The following SIRPD variants were observed in gnomAD, a reference collection of about 807,000 sequenced individuals.
The protein encoded by SIRPD is signal-regulatory protein delta.
In SIRPD, 21 loss-of-function variants were observed where a neutral mutation model predicts 18.0. The observed-to-expected ratio is 1.17, with a 90% CI of 0.83 to 1.68. SIRPD has a LOEUF of 1.68. Among genes scored for constraint, SIRPD ranks in the 40% most tolerant of loss-of-function variants. The pLI, the probability that SIRPD is intolerant of heterozygous loss-of-function variation, is 0.00. For missense variants in SIRPD, 295 were observed against 238.4 expected, an observed-to-expected ratio of 1.24 and a Z score of -1.56; for synonymous variants, 106 against 92.9, an observed-to-expected ratio of 1.14 and a Z score of -0.81.
At chr20:1,535,298 T>G (rs147097703) in intron 3 of SIRPD, among the ~76,000 whole-genome samples, 1 of 152,218 alleles carries the variant, frequency 6.6e-6, no homozygotes, top group African/African-American at 2.4e-5. Context: ...TGGAGTCCCA[T>G]TGACCCAGGT....
At chr20:1,552,346 CCCTAT>C (rs1474130739) in intron 1 of SIRPD, among the ~76,000 whole-genome samples, 4 of 152,130 alleles carry the variant, frequency 2.6e-5, no homozygotes, top group Non-Finnish European at 5.9e-5. Context: ...AGACTAGTTT[CCCTAT>C]CCATCTAATT....
At position 1,552,033 on chromosome 20, in the gene SIRPD, T is replaced by G; in HGVS notation, c.79A>C (p.Thr27Pro). The G allele has an allele frequency of 1.2e-6, 2 of 1,609,596 alleles. No homozygotes were observed. The highest frequency in any genetic ancestry group is 1.7e-6 in the Non-Finnish European group (2 of 1,176,710). ...LYLLLELAGV[T>P]HVFHVQQTEM... ...GTTTGTTGCACATGGAACACATGTGTGACTCCTGGAAAAAAGCTGAAAATC... is the reference window on the plus strand; with the variant it reads ...GTTTGTTGCACATGGAACACATGTGGGACTCCTGGAAAAAAGCTGAAAATC... Residue 27 changes from threonine (T) to proline (P), a missense_variant, in exon 2 of 4, where the codon ACA (threonine) becomes CCA (proline). Thr to Pro is a conservative substitution (Grantham distance 38, BLOSUM62 -1). Coordinates refer to ENST00000381623, the MANE Select transcript of SIRPD (RefSeq NM_178460.3).
intron 1 of SIRPD, 151 bp downstream of exon 1, chr20:1,557,430 C>T (rs1174182689): frequency 8.8e-6 from 5 of 565,812 alleles, no homozygotes; most frequent in Non-Finnish European, 1.4e-5. Context: ...AATTGGGGAC[C>T]ATCCCAGTGT....
intron 1 of SIRPD, among the ~76,000 whole-genome samples, chr20:1,556,020 C>T (rs1053109762): frequency 6.6e-6 from 1 of 152,208 alleles, no homozygotes; most frequent in African/African-American, 2.4e-5. Flanking sequence ...GGGCTTCCCT[C>T]AGTTCATTGC....
At chr20:1,548,607 G>A (rs6034036) in intron 2 of SIRPD, among the ~76,000 whole-genome samples, 8,350 of 151,886 alleles carry the variant, frequency 0.055, 265 homozygotes, top group Non-Finnish European at 0.075. Flanking sequence ...TCGATATCAG[G>A]GTAATTTTTT....
At chr20:1,544,438 CT>C (rs57088454) in intron 2 of SIRPD, among the ~76,000 whole-genome samples, 8,785 of 139,854 alleles carry the variant, frequency 0.063, 252 homozygotes, top group Non-Finnish European at 0.079. Context: ...GCAACAACTG[CT>C]TTTTTTTTTT....
intron 1 of SIRPD, among the ~76,000 whole-genome samples, chr20:1,557,140 C>T (rs11696998): frequency 0.022 from 3,286 of 152,160 alleles, 94 homozygotes; most frequent in Middle Eastern, 0.048. Flanking sequence ...GTAGTCCCAG[C>T]TACTTGGGAG....
chr20:1,537,198 A>T lies in SIRPD; in HGVS notation c.534T>A (p.Tyr178Ter), dbSNP rs2090949854. ...SALPERNSTN[Y>*]FVQPCCCLRL... ...GGAGGCAGCAGCAGGGTTGGACGAA[A>T]TAGTTTGTGCTGTTTCTCTCAGGCA... The change falls in exon 3 of 4, where the codon TAT becomes TAA. Residue 178 changes from tyrosine (Y) to a stop codon, truncating the protein, a stop_gained. Transcript: ENST00000381623. LOFTEE classifies it high-confidence loss of function. The T allele has an allele frequency of 1.2e-6, 2 of 1,614,088 alleles. No individual in the cohort carries two copies. Among genetic ancestry groups the T allele is most frequent in the East Asian group, 4.5e-5 (2 of 44,854 alleles).
At chr20:1,545,572 G>T (rs1321495605) in intron 2 of SIRPD, among the ~76,000 whole-genome samples, 1 of 152,160 alleles carries the variant, frequency 6.6e-6, no homozygotes, top group Non-Finnish European at 1.5e-5. Context: ...TGCTCTTTTA[G>T]CATGGAGGAG....
chr20:1,537,449 T>C (rs1434603171), intron 2 of SIRPD, 139 bp from the exon 3 acceptor site: 3 of 1,047,136 alleles, frequency 2.9e-6, no homozygotes, highest in African/African-American at 1.6e-5. Flanking sequence ...AAGTTACTGA[T>C]ATAAGGGTCC....
chr20:1,537,091 G>A (rs1240644195), intron 3 of SIRPD, 64 bp downstream of exon 3: 1 of 1,567,500 alleles, frequency 6.4e-7, no homozygotes, highest in Non-Finnish European at 8.7e-7. Flanking sequence ...GTGGCGAAAT[G>A]GTACCGCCGC....
intron 3 of SIRPD, among the ~76,000 whole-genome samples, chr20:1,536,409 T>G (rs1003543507): frequency 6.6e-6 from 1 of 151,952 alleles, no homozygotes; most frequent in African/African-American, 2.4e-5. Flanking sequence ...GTCGTTTTTT[T>G]TTTTTTTTTT....
At chr20:1,554,658 C>A (rs1355774671) in intron 1 of SIRPD, among the ~76,000 whole-genome samples, 1 of 152,016 alleles carries the variant, frequency 6.6e-6, no homozygotes, top group Non-Finnish European at 1.5e-5. Context: ...GATACTGCCC[C>A]AAGCTAAGGA....
chr20:1,537,830 G>A (rs1600062267), intron 2 of SIRPD, among the ~76,000 whole-genome samples: 1 of 152,312 alleles, frequency 6.6e-6, no homozygotes, highest in East Asian at 1.9e-4. Context: ...GATCTTGGGA[G>A]GAGGAGGATA....
intron 2 of SIRPD, among the ~76,000 whole-genome samples, chr20:1,542,719 T>C (rs1187546428): frequency 6.6e-6 from 1 of 152,166 alleles, no homozygotes; most frequent in African/African-American, 2.4e-5. Context: ...CTTGCTCTGG[T>C]TTTCAAAGAG....
In SIRPD at chr20:1,555,898, G is replaced by A. The variant is rs546896608; in HGVS notation, c.73+1683C>T. ...AAGCTCCACTCAAGGTGCCAGCTGG[G>A]CTGTGTTCTCATCTGGGGGTTTGAC... is the stretch of plus-strand genomic sequence containing the variant. On this transcript the variant is annotated intron_variant, in intron 1 of 3. Transcript: ENST00000381623. Among the ~76,000 whole-genome samples, 18 of 152,306 alleles carry A rather than the reference G, an allele frequency of 1.2e-4. No individual in the cohort carries two copies. In the South Asian group the frequency reaches 1.9e-3, roughly 16 times the overall value.
chr20:1,542,384 T>C (rs1467359369), intron 2 of SIRPD, among the ~76,000 whole-genome samples: 1 of 152,228 alleles, frequency 6.6e-6, no homozygotes, highest in Non-Finnish European at 1.5e-5. Flanking sequence ...CTAGGTATTT[T>C]ATTCTCTTAG....
intron 2 of SIRPD, among the ~76,000 whole-genome samples, chr20:1,549,937 T>G (rs1199766055): frequency 1.3e-5 from 2 of 152,208 alleles, no homozygotes; most frequent in Admixed American, 6.5e-5. Flanking sequence ...GGCATAAATT[T>G]GGTACATTTC....
chr20:1,546,026 C>T (rs2090992155), intron 2 of SIRPD, among the ~76,000 whole-genome samples: 1 of 152,192 alleles, frequency 6.6e-6, no homozygotes, highest in African/African-American at 2.4e-5. Context: ...AGATGCCAGC[C>T]AGAGCTCTCC....
Sources: gnomAD v4.1 joint callset for allele counts (sites outside exome capture counted in the v4.1 genomes callset) on GRCh38, gnomAD v4.1.1 for gene constraint, MANE v1.5 for transcripts, NCBI Gene and HGNC (gene_info 2026-07-23, HGNC 2026-07-21) for gene names.